The following GRID1 variants were observed in gnomAD, a reference collection of about 807,000 sequenced individuals.
The protein encoded by GRID1 is glutamate receptor ionotropic, delta-1.
Under a neutral mutation model 98.0 loss-of-function variants are expected in GRID1, and 28 were observed. The ratio of observed to expected loss-of-function variants is 0.29; its 90% CI spans 0.21 to 0.39. The LOEUF is 0.39. Ranked by LOEUF, GRID1 falls within the 10% of genes least tolerant of loss-of-function variation. The probability of loss-of-function intolerance (pLI) is 1.00; values close to 1 mark genes in which losing one functional copy is unlikely to be tolerated. For missense variants in GRID1, 1,111 were observed against 1,340.5 expected, an observed-to-expected ratio of 0.83 and a Z score of 2.67; for synonymous variants, 553 against 538.5, an observed-to-expected ratio of 1.03 and a Z score of -0.37.
chr10:85,774,335 T>A (rs964883247), intron 8 of GRID1, among the ~76,000 whole-genome samples: 1 of 152,164 alleles, frequency 6.6e-6, no homozygotes, highest in Non-Finnish European at 1.5e-5. Context: ...CAAGATGGAT[T>A]AAAGACTTAA....
In GRID1 at chr10:85,969,968, T is replaced by C. The variant is rs572048076; in HGVS notation, c.727-53729A>G. On this transcript the variant is annotated intron_variant, in intron 4 of 15. Transcript: ENST00000327946. ...AACTAGATTTATCAATTAAAAATTA[T>C]AGAAGATTCAAATTACTAGAATCAG... 1.3e-4 allele frequency among the ~76,000 whole-genome samples: 19 copies of C among 151,844 alleles called. No individual in the cohort carries two copies. In the South Asian group the frequency reaches 3.5e-3, roughly 28 times the overall value.
At chr10:86,061,209 C>G (rs553379137) in intron 4 of GRID1, among the ~76,000 whole-genome samples, 1 of 152,308 alleles carries the variant, frequency 6.6e-6, no homozygotes, top group African/African-American at 2.4e-5. Context: ...TCCAGCAGCT[C>G]CGAGCAGCTC....
intron 4 of GRID1, among the ~76,000 whole-genome samples, chr10:86,120,823 C>A (rs897835481): frequency 1.4e-4 from 22 of 152,066 alleles, no homozygotes; most frequent in Non-Finnish European, 2.4e-4. Flanking sequence ...ATGAGAAGTG[C>A]CTTTGTCGTG....
chr10:85,755,997 G>A (rs1430160970), intron 8 of GRID1, among the ~76,000 whole-genome samples: 1 of 151,992 alleles, frequency 6.6e-6, no homozygotes, highest in Non-Finnish European at 1.5e-5. Flanking sequence ...CCTACCCTCA[G>A]CACCCATTCT....
chr10:85,974,604 G>A (rs1023928732), intron 4 of GRID1, among the ~76,000 whole-genome samples: 1 of 152,166 alleles, frequency 6.6e-6, no homozygotes, highest in Admixed American at 6.5e-5. Context: ...ATAAATATGA[G>A]AGCACTATGC....
In GRID1 at chr10:85,724,521, G is replaced by A. The variant is rs558668541; in HGVS notation, c.1689C>T (p.Phe563=). Residue 563 remains phenylalanine (F), a synonymous_variant, in exon 11 of 16, where the codon TTC becomes TTT. Transcript: ENST00000327946. ...CTGCTGCAATGCAGGCCCACACAGCGAAATCAAATGGAGCAAAGAGGGAGA... is the reference window on the plus strand; with the variant it reads ...CTGCTGCAATGCAGGCCCACACAGCAAAATCAAATGGAGCAAAGAGGGAGA... ...SIFSLFAPFD[F]AVWACIAAAI... is the part of the protein sequence containing the mutation. 5.8e-5 allele frequency: 93 copies of A among 1,614,002 alleles called. No homozygotes were observed. The East Asian group carries it at 1.6e-3, about 29-fold the overall frequency.
At chr10:85,831,654 CA>C (rs1337715184) in intron 8 of GRID1, among the ~76,000 whole-genome samples, 2 of 151,240 alleles carry the variant, frequency 1.3e-5, no homozygotes, top group South Asian at 2.1e-4. Context: ...AATGACTAAC[CA>C]AAAAAACGAC....
At chr10:85,701,510 G>A (rs557784007) in intron 12 of GRID1, among the ~76,000 whole-genome samples, 3 of 152,074 alleles carry the variant, frequency 2.0e-5, no homozygotes, top group African/African-American at 7.2e-5. Flanking sequence ...ATTCCACTAA[G>A]GCACAGTTTT....
chr10:86,247,758 G>A (rs1032336933), intron 2 of GRID1, among the ~76,000 whole-genome samples: 4 of 152,156 alleles, frequency 2.6e-5, no homozygotes, highest in Non-Finnish European at 4.4e-5. Flanking sequence ...GACTGGCACC[G>A]GCTGGGCCCC....
chr10:85,679,826 T>C (rs1345437668), intron 12 of GRID1, among the ~76,000 whole-genome samples: 1 of 152,084 alleles, frequency 6.6e-6, no homozygotes, highest in Non-Finnish European at 1.5e-5. Flanking sequence ...TAACAGTCAG[T>C]GGGGGGATAT....
chr10:86,286,147 G>C (rs1182668592), intron 2 of GRID1, among the ~76,000 whole-genome samples: 5 of 152,172 alleles, frequency 3.3e-5, no homozygotes, highest in Non-Finnish European at 7.4e-5. Context: ...TATAGGTAGA[G>C]AGAGGTATAG....
chr10:85,925,118 C>T (rs746016482), intron 4 of GRID1, among the ~76,000 whole-genome samples: 7 of 152,196 alleles, frequency 4.6e-5, no homozygotes, highest in Middle Eastern at 3.2e-3. Context: ...AGCCAGGAGG[C>T]GCCAATGAGT....
chr10:85,840,365 C>G (rs569180335), intron 8 of GRID1, among the ~76,000 whole-genome samples: 1 of 152,196 alleles, frequency 6.6e-6, no homozygotes, highest in South Asian at 2.1e-4. Context: ...ATGTAAAAAA[C>G]CCACAGCCAT....
intron 4 of GRID1, among the ~76,000 whole-genome samples, chr10:86,127,336 T>G (rs1309974457): frequency 6.6e-6 from 1 of 152,182 alleles, no homozygotes; most frequent in Non-Finnish European, 1.5e-5. Flanking sequence ...GAGAGATGCC[T>G]TCTCATCTGA....
rs925352357 is a variant in GRID1 at position 86,206,795 on chromosome 10, G to A, written c.236-147C>T. On this transcript the variant is annotated intron_variant, in intron 2 of 15. Transcript: ENST00000327946. This position sits in a 1 kb window ranked among gnomAD's most constrained non-coding sequence, Gnocchi z 4.1. ...CCAGGACCAAGAACCATCCTGGGCAGGCCAGTGGCTCTCATAAGCACAGCC... is the reference window on the plus strand; with the variant it reads ...CCAGGACCAAGAACCATCCTGGGCAAGCCAGTGGCTCTCATAAGCACAGCC... 2.0e-5 allele frequency: 13 copies of A among 660,288 alleles called. No homozygotes were observed. Among genetic ancestry groups the A allele is most frequent in the Non-Finnish European group, 3.1e-5 (12 of 390,590 alleles). 40.9% of individuals were successfully genotyped at this position (660,288 alleles called of 1,614,324 possible).
chr10:85,702,502 A>C (rs1841463543), intron 12 of GRID1, among the ~76,000 whole-genome samples: 1 of 152,114 alleles, frequency 6.6e-6, no homozygotes, highest in African/African-American at 2.4e-5. Context: ...GGATATAAAT[A>C]ATAAGGAAAT....
chr10:86,186,744 C>T (rs1845730683), intron 3 of GRID1, among the ~76,000 whole-genome samples: 1 of 152,216 alleles, frequency 6.6e-6, no homozygotes, highest in Non-Finnish European at 1.5e-5. Context: ...TATTCAAATG[C>T]TTCTTCTTTC....
At position 85,658,013 on chromosome 10, in the gene GRID1, T is replaced by C. The variant is rs370664060; in HGVS notation, c.1998-10616A>G. On this transcript the variant is annotated intron_variant, in intron 12 of 15. Coordinates refer to ENST00000327946, the MANE Select transcript of GRID1 (RefSeq NM_017551.3). ...ATCAAGACAAAAGCAGGATGCACCA[T>C]TAACCTTTAATATATCAGTGCTGGG... Among the ~76,000 whole-genome samples the C allele has an allele frequency of 2.1e-3, 315 of 152,318 alleles. 2 individuals carry two copies. The highest frequency in any genetic ancestry group is 0.017 in the East Asian group (87 of 5,184).
chr10:85,610,428 G>A (rs1463497356), intron 15 of GRID1, among the ~76,000 whole-genome samples: 3 of 152,148 alleles, frequency 2.0e-5, no homozygotes, highest in African/African-American at 4.8e-5. Flanking sequence ...GCTCCAGGAG[G>A]TATGATGACT....
Sources: gnomAD v4.1 joint callset for allele counts (sites outside exome capture counted in the v4.1 genomes callset) on GRCh38, gnomAD v4.1.1 for gene constraint, Gnocchi (gnomAD v3.1) non-coding constraint, MANE v1.5 for transcripts, NCBI Gene and HGNC (gene_info 2026-07-23, HGNC 2026-07-21) for gene names.